The following CLN6 variants were observed in gnomAD, a reference collection of about 807,000 sequenced individuals.
The protein encoded by CLN6 is ceroid-lipofuscinosis neuronal protein 6.
In CLN6, 22 loss-of-function variants were observed where a neutral mutation model predicts 33.3. The observed-to-expected ratio is 0.66, with a 90% CI of 0.47 to 0.94. The LOEUF is 0.94. Among genes scored for constraint, CLN6 ranks in the 40% least tolerant of loss-of-function variants. The pLI is 0.00. For missense variants in CLN6, 387 were observed against 417.1 expected, an observed-to-expected ratio of 0.93 and a Z score of 0.63; for synonymous variants, 201 against 174.6, an observed-to-expected ratio of 1.15 and a Z score of -1.19.
intron 1 of CLN6, among the ~76,000 whole-genome samples, chr15:68,250,871 T>C (rs1402458777): frequency 1.3e-5 from 2 of 152,190 alleles, no homozygotes; most frequent in African/African-American, 4.8e-5. Flanking sequence ...GGACTGTATT[T>C]GTATTCTAAT....
rs549388629 is a variant in CLN6, at chr15:68,211,158, G to A, written c.542+105C>T. The A allele has an allele frequency of 2.1e-6, 2 of 957,346 alleles. No individual in the cohort carries two copies. The highest frequency in any genetic ancestry group is 1.7e-5 in the Admixed American group (1 of 59,162). 59.3% of individuals were successfully genotyped at this position (957,346 alleles called of 1,614,324 possible). On this transcript the variant is annotated intron_variant, in intron 5 of 6. Coordinates refer to ENST00000249806, the MANE Select transcript of CLN6 (RefSeq NM_017882.3). The surrounding 1 kb of genome is among the most constrained non-coding windows in gnomAD (Gnocchi z 5.9). ...TTACAGGGGATGAGACTCAACACAT[G>A]GAGACCCGCAGCCCAGACAGCCTTG...
chr15:68,209,756 G>A lies in CLN6; in HGVS notation c.546C>T (p.Tyr182=), dbSNP rs751550252. ...TGAAGAGGATGAGGAAGAAGGGGAT[G>A]TACCTGTGACAGGAAGGCCAGTGTC... ...YDEYLGHCMW[Y]IPFFLILFMY... Residue 182 remains tyrosine, a synonymous_variant, in exon 6 of 7, where the codon TAC becomes TAT. Transcript: ENST00000249806. The surrounding 1 kb of genome is among the most constrained non-coding windows in gnomAD (Gnocchi z 4.9). The A allele has an allele frequency of 6.2e-7, 1 of 1,613,294 alleles. No individual in the cohort carries two copies. The highest frequency in any genetic ancestry group is 8.5e-7 in the Non-Finnish European group (1 of 1,179,746).
At chr15:68,257,180 G>A, upstream of CLN6, 1 of 278,088 alleles carries the variant, frequency 3.6e-6, no homozygotes, top group Non-Finnish European at 6.7e-6. Context: ...CACGCGCCCG[G>A]CGTCGCTGAG....
chr15:68,209,094 C>T lies in CLN6; in HGVS notation c.665+543G>A, dbSNP rs1283970011. 6.6e-6 allele frequency among the ~76,000 whole-genome samples: 1 copy of T among 152,208 alleles called. No homozygotes were observed. The highest frequency in any genetic ancestry group is 1.9e-4 in the East Asian group (1 of 5,192). On this transcript the variant is annotated intron_variant, in intron 6 of 6. Transcript: ENST00000249806. The surrounding 1 kb of genome is among the most constrained non-coding windows in gnomAD (Gnocchi z 4.9). Reference sequence around the variant, plus strand: ...TAGGAGACTGGCTGAGGCCTAAGTCCTCTGCAATGGGAAGAAGAGAGAGCC... The same window carrying T: ...TAGGAGACTGGCTGAGGCCTAAGTCTTCTGCAATGGGAAGAAGAGAGAGCC...
intron 1 of CLN6, 64 bp downstream of exon 1, chr15:68,229,438 G>T: frequency 7.8e-7 from 1 of 1,279,412 alleles, no homozygotes; most frequent in Non-Finnish European, 1.0e-6. Context: ...AGCGTCACGT[G>T]GCGGGTCCCG....
At position 68,246,316 on chromosome 15, in the gene CLN6, G is replaced by A. The variant is rs1369023232; in HGVS notation, c.179+10374C>T. 3.9e-5 allele frequency among the ~76,000 whole-genome samples: 6 copies of A among 152,000 alleles called. No individual in the cohort carries two copies. The highest frequency in any genetic ancestry group is 3.2e-3 in the Middle Eastern group (1 of 316). The stretch of plus-strand genomic sequence containing the variant: ...TTCTCCAAAATAGACTATATCTTAG[G>A]CTACAAAACAAGTCTGAACAAATTC... On this transcript the variant is annotated intron_variant, in intron 1 of 6. Coordinates refer to the CLN6 transcript ENST00000538696. This position sits in a 1 kb window ranked among gnomAD's most constrained non-coding sequence, Gnocchi z 4.5.
upstream of CLN6, among the ~76,000 whole-genome samples, chr15:68,233,775 G>T (rs958134252): frequency 6.6e-6 from 1 of 152,228 alleles, no homozygotes; most frequent in Non-Finnish European, 1.5e-5. This position sits in a 1 kb window ranked among gnomAD's most constrained non-coding sequence, Gnocchi z 4.3. Context: ...CTGACTAGGG[G>T]ATCTCTAAGT....
Position 68,256,589 on chromosome 15 carries a change from G to A in CLN6, c.179+101C>T, listed in dbSNP as rs1015509409. ...TCTCTTTGGGATCCCCACACACGTG[G>A]CTGGCTTCAGGGGTGTGGGCAGTGC... On this transcript the variant is annotated intron_variant, in intron 1 of 6. Transcript: ENST00000538696. This position sits in a 1 kb window ranked among gnomAD's most constrained non-coding sequence, Gnocchi z 4.1. 6.3e-5 allele frequency: 35 copies of A among 552,864 alleles called. No homozygotes were observed. Among genetic ancestry groups the A allele is most frequent in the Non-Finnish European group, 1.0e-4 (31 of 308,630 alleles). 34.2% of individuals were successfully genotyped at this position (552,864 alleles called of 1,614,324 possible).
upstream of CLN6, among the ~76,000 whole-genome samples, chr15:68,232,140 C>T (rs1334968811): frequency 6.7e-6 from 1 of 148,512 alleles, no homozygotes; most frequent in Non-Finnish European, 1.5e-5. The surrounding 1 kb of genome is among the most constrained non-coding windows in gnomAD (Gnocchi z 4.7). Flanking sequence ...CACTACTTTT[C>T]AATTATAGCT....
rs1010687170 is a variant in CLN6, at chr15:68,207,809, G to A, written c.*331C>T. The A allele has an allele frequency of 7.4e-6, 3 of 402,864 alleles. No individual in the cohort carries two copies. Among genetic ancestry groups the A allele is most frequent in the African/African-American group, 4.1e-5 (2 of 48,678 alleles). 25.0% of individuals were successfully genotyped at this position (402,864 alleles called of 1,614,324 possible). A position where few individuals can be genotyped will look rare whatever the true frequency, so the allele number is the denominator to read the frequency against. On this transcript the variant is annotated 3_prime_UTR_variant, in exon 7 of 7. Transcript: ENST00000249806. ...TACCAGAAGATGTCCGGGAAGAACAGACTAGCCCTGAGTAGGGAGTGTGGT... is the reference window on the plus strand; with the variant it reads ...TACCAGAAGATGTCCGGGAAGAACAAACTAGCCCTGAGTAGGGAGTGTGGT...
chr15:68,245,456 T>G (rs550062712), intron 1 of CLN6, among the ~76,000 whole-genome samples: 5 of 152,020 alleles, frequency 3.3e-5, no homozygotes, highest in African/African-American at 1.2e-4. Context: ...TCCCAGCTAC[T>G]TGGGTGGCTG....
At position 68,229,683 on chromosome 15, in the gene CLN6, G is replaced by T. The variant is rs930349862; in HGVS notation, c.-99C>A. 23 of 996,984 alleles carry T rather than the reference G, an allele frequency of 2.3e-5. No individual in the cohort carries two copies. The highest frequency in any genetic ancestry group is 4.2e-5 in the Admixed American group (1 of 23,744). The allele number at this position is 996,984 out of a possible 1,614,324, so 61.8% of individuals were successfully genotyped here. A position where few individuals can be genotyped will look rare whatever the true frequency, so the allele number is the denominator to read the frequency against. ...CCGCCGCAAATTCCCAGCGCGGGGCGGTTCGGGGCGGGCCGGCGAGAGCGC... is the reference window on the plus strand; with the variant it reads ...CCGCCGCAAATTCCCAGCGCGGGGCTGTTCGGGGCGGGCCGGCGAGAGCGC... On this transcript the variant is annotated 5_prime_UTR_variant, in exon 1 of 7. Coordinates refer to ENST00000249806, the MANE Select transcript of CLN6 (RefSeq NM_017882.3).
rs1227018024 is a variant in CLN6, at chr15:68,208,434, G to A, written c.666-24C>T. The A allele has an allele frequency of 2.5e-6, 4 of 1,611,014 alleles. No individual in the cohort carries two copies. Among genetic ancestry groups the A allele is most frequent in the Non-Finnish European group, 3.4e-6 (4 of 1,179,732 alleles). ...ACCTGGAAAGGCCAGGGGTGAGTGA[G>A]GCAGCTGCCGTGGCAACCCCGTCCT... On this transcript the variant is annotated intron_variant, in intron 6 of 6. Coordinates refer to ENST00000249806, the MANE Select transcript of CLN6 (RefSeq NM_017882.3). The surrounding 1 kb of genome is among the most constrained non-coding windows in gnomAD (Gnocchi z 5.8).
At position 68,228,066 on chromosome 15, in the gene CLN6, C is replaced by T. The variant is rs1292734121; in HGVS notation, c.83+1436G>A. 1.3e-5 allele frequency among the ~76,000 whole-genome samples: 2 copies of T among 152,198 alleles called. No individual in the cohort carries two copies. The highest frequency in any genetic ancestry group is 2.9e-5 in the Non-Finnish European group (2 of 68,032). Reference sequence around the variant, plus strand: ...ACTCAGCCAGTCAGGCTCCTCAGCCCATCTAAGCCTATTTCCTCATCAGTA... The same window carrying T: ...ACTCAGCCAGTCAGGCTCCTCAGCCTATCTAAGCCTATTTCCTCATCAGTA... On this transcript the variant is annotated intron_variant, in intron 1 of 6. Coordinates refer to ENST00000249806, the MANE Select transcript of CLN6 (RefSeq NM_017882.3). The surrounding 1 kb of genome is among the most constrained non-coding windows in gnomAD (Gnocchi z 4.4).
In CLN6 at chr15:68,224,641, A is replaced by AT. The variant is rs535500459; in HGVS notation, c.83+4860dup. 2.8e-4 allele frequency among the ~76,000 whole-genome samples: 40 copies of AT among 143,068 alleles called. 1 individual carries two copies. In the East Asian group the frequency reaches 8.4e-3, roughly 30 times the overall value. 93.9% of individuals were successfully genotyped at this position (143,068 alleles called of 152,430 possible). The stretch of plus-strand genomic sequence containing the variant: ...CTCAAAAAAAAAAAAAAAAAAAAAG[A>AT]TTAATCAGCACCTGCCTGGTTTTCT... On this transcript the variant is annotated intron_variant, in intron 1 of 6. Coordinates refer to ENST00000249806, the MANE Select transcript of CLN6 (RefSeq NM_017882.3).
chr15:68,244,113 C>G (rs770944553), intron 1 of CLN6, among the ~76,000 whole-genome samples: 2 of 151,252 alleles, frequency 1.3e-5, no homozygotes, highest in Non-Finnish European at 2.9e-5. Flanking sequence ...CTAGCTTTAA[C>G]ATTAAAGATG....
At chr15:68,237,755 C>A (rs1382998790) in intron 1 of CLN6, among the ~76,000 whole-genome samples, 4 of 152,184 alleles carry the variant, frequency 2.6e-5, no homozygotes, top group African/African-American at 9.7e-5. Flanking sequence ...ATTTGAAAAG[C>A]TAACTACTGG....
chr15:68,254,069 T>C (rs894061585), intron 1 of CLN6, among the ~76,000 whole-genome samples: 1 of 150,390 alleles, frequency 6.6e-6, no homozygotes, highest in Non-Finnish European at 1.5e-5. Flanking sequence ...TTAGTAGAGA[T>C]GGGGTTTCAC....
At chr15:68,217,228 C>T (rs1025845792) in intron 2 of CLN6, among the ~76,000 whole-genome samples, 1 of 152,114 alleles carries the variant, frequency 6.6e-6, no homozygotes, top group African/African-American at 2.4e-5. Context: ...AAAGGCTTTG[C>T]TTTTTGTTTG....
Sources: gnomAD v4.1 joint callset for allele counts (sites outside exome capture counted in the v4.1 genomes callset) on GRCh38, gnomAD v4.1.1 for gene constraint, Gnocchi (gnomAD v3.1) non-coding constraint, MANE v1.5 for transcripts, NCBI Gene and HGNC (gene_info 2026-07-23, HGNC 2026-07-21) for gene names.